The following SCNN1G variants were observed in gnomAD, a reference collection of about 807,000 sequenced individuals.
SCNN1G encodes epithelial sodium channel subunit gamma.
A neutral mutation model predicts 64.6 loss-of-function variants in SCNN1G; 27 were observed. That is an observed-to-expected ratio of 0.42 (90% CI 0.31 to 0.58). SCNN1G has a LOEUF of 0.58. Ranked by LOEUF, SCNN1G falls within the 20% of genes least tolerant of loss-of-function variation. The pLI, the probability that SCNN1G is intolerant of heterozygous loss-of-function variation, is 0.18. For synonymous variants in SCNN1G, 330 were observed against 314.2 expected (o/e 1.05, Z -0.53); for missense variants, 743 against 823.4 (o/e 0.90, Z 1.19).
chr16:23,195,561 C>G (rs905185319), intron 5 of SCNN1G, among the ~76,000 whole-genome samples: 5 of 152,200 alleles, frequency 3.3e-5, no homozygotes, highest in African/African-American at 1.2e-4. Flanking sequence ...TGTGCTCTTA[C>G]TAAGTCTGCA....
chr16:23,201,913 G>C (rs1267030968), intron 6 of SCNN1G, among the ~76,000 whole-genome samples: 1 of 152,144 alleles, frequency 6.6e-6, no homozygotes, highest in Admixed American at 6.5e-5. Context: ...ACCACCTGGG[G>C]TCATGGGATT....
At chr16:23,202,159 C>T (rs1959900142) in intron 6 of SCNN1G, among the ~76,000 whole-genome samples, 1 of 150,696 alleles carries the variant, frequency 6.6e-6, no homozygotes, top group South Asian at 2.1e-4. Context: ...GTTTCCATCT[C>T]TGTGGAAACA....
At chr16:23,213,684 C>T (rs1960117856) in intron 11 of SCNN1G, among the ~76,000 whole-genome samples, 1 of 152,238 alleles carries the variant, frequency 6.6e-6, no homozygotes, top group South Asian at 2.1e-4. Flanking sequence ...CACTGCTGGG[C>T]CTGCCTGCCA....
chr16:23,192,269 T>C (rs561230231), intron 3 of SCNN1G, 83 bp from the exon 4 acceptor site: 2 of 1,111,606 alleles, frequency 1.8e-6, no homozygotes, highest in East Asian at 2.3e-5. Context: ...TGGCCTGGAG[T>C]CTCAGTCACT....
At chr16:23,209,963 G>T (rs1412142297) in intron 7 of SCNN1G, 115 bp downstream of exon 7, 5 of 763,134 alleles carry the variant, frequency 6.6e-6, no homozygotes, top group South Asian at 4.3e-5. Flanking sequence ...GATCCCTGGG[G>T]TTCATCCAGA....
In SCNN1G at chr16:23,213,133, A is replaced by G. The variant is rs1960107357; in HGVS notation, c.1463A>G (p.Gln488Arg). ...KWLLPVLTWDQGRQVNKKLNK... is the reference protein window; with the variant it reads ...KWLLPVLTWDRGRQVNKKLNK... ...TTGCTGCCTGTTCTCACTTGGGACCAAGGCCGGCAAGTAAACAAAAAGCTC... is the reference window on the plus strand; with the variant it reads ...TTGCTGCCTGTTCTCACTTGGGACCGAGGCCGGCAAGTAAACAAAAAGCTC... Residue 488 changes from glutamine to arginine, a missense_variant, in exon 11 of 13, where the codon CAA (glutamine) becomes CGA (arginine). Transcript: ENST00000300061. The G allele has an allele frequency of 6.2e-7, 1 of 1,613,238 alleles. No homozygotes were observed. The highest frequency in any genetic ancestry group is 1.3e-5 in the African/African-American group (1 of 74,588).
chr16:23,196,049 A>T (rs1467428229), intron 5 of SCNN1G: 2 of 152,180 alleles, frequency 1.3e-5, no homozygotes, highest in Non-Finnish European at 2.9e-5. Flanking sequence ...GAGATGAAAA[A>T]TGAGTACACA....
chr16:23,186,285 A>G lies in SCNN1G; in HGVS notation c.14A>G (p.Glu5Gly). 1 of 1,614,166 alleles carries G rather than the reference A, an allele frequency of 6.2e-7. No homozygotes were observed. The highest frequency in any genetic ancestry group is 1.6e-4 in the Middle Eastern group (1 of 6,062). ...CCCATCCTCGCCATGGCACCCGGAG[A>G]GAAGATCAAAGCCAAAATCAAGAAG... The part of the protein sequence containing the change: MAPG[E>G]KIKAKIKKNL... Residue 5 changes from glutamate to glycine, a missense_variant, in exon 2 of 13, where the codon GAG becomes GGG. Glu to Gly is a moderately conservative substitution (Grantham distance 98, BLOSUM62 -2). Transcript: ENST00000300061.
intron 6 of SCNN1G, among the ~76,000 whole-genome samples, chr16:23,199,338 G>A (rs183897729): frequency 8.5e-5 from 13 of 152,278 alleles, no homozygotes; most frequent in East Asian, 3.9e-4. Flanking sequence ...CTTCCATTGC[G>A]TGAATAAGTT....
At chr16:23,213,250 CTCTT>C in intron 11 of SCNN1G, 87 bp downstream of exon 11, 1 of 771,276 alleles carries the variant, frequency 1.3e-6, no homozygotes, top group Non-Finnish European at 2.1e-6. Flanking sequence ...TGGCCAAATC[CTCTT>C]TTTTTTTTTT....
chr16:23,196,153 G>T (rs28608825), intron 5 of SCNN1G: 30,671 of 152,254 alleles, frequency 0.2, 3,219 homozygotes, highest in Non-Finnish European at 0.23. Context: ...GGGTCAGGAT[G>T]GGGGGGTTAG....
At chr16:23,199,591 A>G (rs1959851745) in intron 6 of SCNN1G, among the ~76,000 whole-genome samples, 1 of 152,044 alleles carries the variant, frequency 6.6e-6, no homozygotes. Context: ...CTAATCTGTC[A>G]AGAGAAAAAT....
At chr16:23,186,039 G>A (rs1055748071) in intron 1 of SCNN1G, among the ~76,000 whole-genome samples, 189 bp from the exon 2 acceptor site, 1 of 152,176 alleles carries the variant, frequency 6.6e-6, no homozygotes, top group African/African-American at 2.4e-5. Context: ...CAGCTGTGGT[G>A]GCCAAAAACA....
intron 2 of SCNN1G, 39 bp from the exon 3 acceptor site, chr16:23,189,332 G>A (rs764840482): frequency 1.4e-5 from 22 of 1,602,608 alleles, no homozygotes; most frequent in African/African-American, 8.0e-5. Context: ...TGCCAGGGCC[G>A]CCTCCCCTCT....
chr16:23,192,119 G>T (rs1008614809), intron 3 of SCNN1G, among the ~76,000 whole-genome samples: 1 of 152,144 alleles, frequency 6.6e-6, no homozygotes, highest in Non-Finnish European at 1.5e-5. Flanking sequence ...GTAGTGCAGA[G>T]TTGCAGGAGT....
At chr16:23,193,038 A>G (rs569329957) in intron 4 of SCNN1G, among the ~76,000 whole-genome samples, 1 of 146,996 alleles carries the variant, frequency 6.8e-6, no homozygotes, top group South Asian at 2.3e-4. Flanking sequence ...TACTGCACTC[A>G]AGCCTGGGCT....
In SCNN1G at chr16:23,189,246, T is replaced by C. The variant is rs1959663671; in HGVS notation, c.318-125T>C. 4 of 998,510 alleles carry C rather than the reference T, an allele frequency of 4.0e-6. No homozygotes were observed. In the Admixed American group the frequency reaches 5.4e-5, roughly 13 times the overall value. The allele number at this position is 998,510 out of a possible 1,614,324, so 61.9% of individuals were successfully genotyped here. A position where few individuals can be genotyped will look rare whatever the true frequency, so the allele number is the denominator to read the frequency against. On this transcript the variant is annotated intron_variant, in intron 2 of 12. Transcript: ENST00000300061. ...AAGTCATGAAAGGCGTGGTCTCCTC[T>C]GCCAAGGAGTTGGGAAAGGTGGGCA...
At chr16:23,211,093 G>A (rs1052134643) in intron 7 of SCNN1G, among the ~76,000 whole-genome samples, 1 of 152,116 alleles carries the variant, frequency 6.6e-6, no homozygotes, top group Non-Finnish European at 1.5e-5. Context: ...CATTTAGTGA[G>A]AACTACCATG....
At chr16:23,209,617 A>G (rs955115573) in intron 6 of SCNN1G, 133 bp from the exon 7 acceptor site, 6 of 721,676 alleles carry the variant, frequency 8.3e-6, no homozygotes, top group Non-Finnish European at 1.3e-5. Context: ...CTAACTTTTC[A>G]TTAAATGAAT....
Sources: gnomAD v4.1 joint callset for allele counts (sites outside exome capture counted in the v4.1 genomes callset) on GRCh38, gnomAD v4.1.1 for gene constraint, MANE v1.5 for transcripts, NCBI Gene and HGNC (gene_info 2026-07-23, HGNC 2026-07-21) for gene names.